CFAP54: variants seen among roughly 807,000 people sequenced by gnomAD.
CFAP54 encodes cilia and flagella associated protein 54, also known as cilia- and flagella-associated protein 54.
CFAP54 carries 290 observed loss-of-function variants against 370.4 expected under a neutral mutation model. The observed-to-expected ratio is 0.78, with a 90% confidence interval of 0.71 to 0.86. The LOEUF is 0.86. Ranked by LOEUF, CFAP54 falls within the 40% of genes least tolerant of loss-of-function variation. The probability of loss-of-function intolerance (pLI) is 0.00; values close to 1 mark genes in which losing one functional copy is unlikely to be tolerated. For synonymous variants in CFAP54, 1,206 were observed against 1,236.5 expected (o/e 0.98, Z 0.52); for missense variants, 3,399 against 3,528.7 (o/e 0.96, Z 0.93).
chr12:96,750,994 G>T (rs919770569), intron 55 of CFAP54, among the ~76,000 whole-genome samples: 1 of 152,132 alleles, frequency 6.6e-6, no homozygotes, highest in Non-Finnish European at 1.5e-5. Context: ...AGTATAGATT[G>T]TGTCACACAA....
At position 96,724,971 on chromosome 12, in the gene CFAP54, A is replaced by G. The variant is rs4762163; in HGVS notation, c.6965+4406A>G. On this transcript the variant is annotated intron_variant, in intron 50 of 67. Transcript: ENST00000524981. ...TGCTTGTTTTTCTCAGGTTTGTCAA[A>G]GATCAGATAGTTTTAGATATGTGGC... Among the ~76,000 whole-genome samples, 1,302 of 152,258 alleles carry G rather than the reference A, an allele frequency of 8.6e-3. 54 individuals carry two copies. In the East Asian group the frequency reaches 0.098, roughly 11 times the overall value.
intron 49 of CFAP54, among the ~76,000 whole-genome samples, chr12:96,719,077 G>T (rs1957718784): frequency 6.6e-6 from 1 of 151,722 alleles, no homozygotes; most frequent in Non-Finnish European, 1.5e-5. Context: ...TCATTATTTG[G>T]TGGGATATGA....
At chr12:96,817,421 C>T (rs1333978802) in intron 64 of CFAP54, among the ~76,000 whole-genome samples, 1 of 144,036 alleles carries the variant, frequency 6.9e-6, no homozygotes, top group East Asian at 2.0e-4. Flanking sequence ...CAAATAAATA[C>T]CTTTCTTTCT....
chr12:96,701,408 G>A (rs1197661594), intron 46 of CFAP54, among the ~76,000 whole-genome samples: 1 of 152,010 alleles, frequency 6.6e-6, no homozygotes, highest in African/African-American at 2.4e-5. Context: ...GCCATTCCAG[G>A]CATGGAGATA....
Position 96,535,559 on chromosome 12 carries a change from T to G in CFAP54, c.1750T>G (p.Leu584Val), listed in dbSNP as rs889267403. ...TCGYSEDIFH[L>V]AATLYVCVCT... ...TGGATATTCAGAGGATATTTTCCAT[T>G]TGGCAGCAACCTTGTATGTCTGTGT... is the stretch of plus-strand genomic sequence containing the variant. The change falls in exon 12 of 68, where the codon TTG (leucine) becomes GTG (valine). Residue 584 changes from leucine (L) to valine (V), a missense_variant. Physicochemically the swap from Leu to Val is conservative, Grantham distance 32. Transcript: ENST00000524981. 6.5e-7 allele frequency: 1 copy of G among 1,536,218 alleles called. No individual in the cohort carries two copies. Among genetic ancestry groups the G allele is most frequent in the Non-Finnish European group, 8.7e-7 (1 of 1,146,760 alleles).
At chr12:96,670,593 A>C (rs1033791161) in intron 39 of CFAP54, among the ~76,000 whole-genome samples, 1 of 152,082 alleles carries the variant, frequency 6.6e-6, no homozygotes, top group Admixed American at 6.5e-5. Context: ...TGAAGGCCCT[A>C]ATGACTGTCA....
At chr12:96,493,115 A>G (rs1270736863) in intron 1 of CFAP54, among the ~76,000 whole-genome samples, 1 of 152,260 alleles carries the variant, frequency 6.6e-6, no homozygotes, top group East Asian at 1.9e-4. Context: ...ACAAGACTAT[A>G]AGAATCACAA....
chr12:96,501,365 C>A (rs542524887), intron 2 of CFAP54, among the ~76,000 whole-genome samples: 1 of 152,188 alleles, frequency 6.6e-6, no homozygotes, highest in Admixed American at 6.5e-5. Context: ...TGCTTCAGTG[C>A]CCTGTTTATT....
intron 2 of CFAP54, among the ~76,000 whole-genome samples, chr12:96,502,726 G>C (rs1955044688): frequency 6.6e-6 from 1 of 152,170 alleles, no homozygotes; most frequent in Non-Finnish European, 1.5e-5. Flanking sequence ...CTGAGGAAGG[G>C]TTGCAAGTGA....
rs555929015 is a variant in CFAP54 at position 96,710,235 on chromosome 12, C to G, written c.6724+1432C>G. Among the ~76,000 whole-genome samples the G allele has an allele frequency of 9.2e-5, 14 of 152,080 alleles. No individual in the cohort carries two copies. The East Asian group carries it at 2.5e-3, about 27-fold the overall frequency. On this transcript the variant is annotated intron_variant, in intron 48 of 67. Coordinates refer to ENST00000524981, the MANE Select transcript of CFAP54 (RefSeq NM_001306084.2). ...ATGACTGCTACTGAAAAAATAGTTA[C>G]AGTTTCCAAGAGGAAGGGTGCGCCA...
chr12:96,857,820 G>C lies in CFAP54; in HGVS notation c.9172-2999G>C, dbSNP rs572347311. On this transcript the variant is annotated intron_variant, in intron 66 of 67. Transcript: ENST00000524981. ...TCTGCCATAATTACAAGTTTCCTGA[G>C]TCCTCGCCAGCCATGTGGAACTGTG... 2.6e-5 allele frequency among the ~76,000 whole-genome samples: 4 copies of C among 152,246 alleles called. No homozygotes were observed. In the East Asian group the frequency reaches 7.7e-4, roughly 29 times the overall value.
At chr12:96,798,165 GT>G (rs1192956797) in intron 63 of CFAP54, among the ~76,000 whole-genome samples, 5 of 151,746 alleles carry the variant, frequency 3.3e-5, no homozygotes, top group African/African-American at 1.2e-4. Flanking sequence ...AGAAATGTTT[GT>G]TTTTTAAATT....
chr12:96,545,754 G>A (rs1028469549), intron 14 of CFAP54, among the ~76,000 whole-genome samples: 5 of 151,940 alleles, frequency 3.3e-5, no homozygotes, highest in South Asian at 2.1e-4. Flanking sequence ...TTGTCCAATC[G>A]CATTTCTGCA....
chr12:96,599,960 G>A lies in CFAP54; in HGVS notation c.3639+1193G>A, dbSNP rs567924964. ...TTTTCTCCCATTCTGTAGGTTGCCT[G>A]TTCGCTCTGATGATAGTTTCTTTTG... On this transcript the variant is annotated intron_variant, in intron 26 of 67. Coordinates refer to ENST00000524981, the MANE Select transcript of CFAP54 (RefSeq NM_001306084.2). Among the ~76,000 whole-genome samples, 146 of 152,284 alleles carry A rather than the reference G, an allele frequency of 9.6e-4. 1 individual carries two copies. Among genetic ancestry groups the A allele is most frequent in the Middle Eastern group, 3.4e-3 (1 of 294 alleles).
intron 39 of CFAP54, among the ~76,000 whole-genome samples, chr12:96,675,831 C>A (rs551894267): frequency 1.3e-5 from 2 of 151,582 alleles, no homozygotes; most frequent in Admixed American, 6.6e-5. Context: ...AGCAAACTAT[C>A]GCAAGGACAA....
chr12:96,625,835 T>C (rs184984937), intron 29 of CFAP54, 28 bp downstream of exon 29: 1 of 1,416,546 alleles, frequency 7.1e-7, no homozygotes. Context: ...GTATATGCTG[T>C]TCACTCGATT....
chr12:96,653,310 C>T (rs1230332557), intron 36 of CFAP54, among the ~76,000 whole-genome samples: 1 of 152,104 alleles, frequency 6.6e-6, no homozygotes, highest in Non-Finnish European at 1.5e-5. Context: ...TACCGTAAAC[C>T]CAGGTGGAAT....
intron 35 of CFAP54, 54 bp from the exon 36 acceptor site, chr12:96,651,534 G>C: frequency 7.2e-7 from 1 of 1,397,986 alleles, no homozygotes; most frequent in Non-Finnish European, 1.0e-6. Context: ...AAGTTGTTCA[G>C]AGATCTGTAA....
rs1485590262 is a variant in CFAP54, at chr12:96,874,632, A to AT, written c.*15-471dup. ...CTCTGCTTTTTTTTATTTTTATTTT[A>AT]TTTTTTTTTTTTTTTGAGACGGAGT... On this transcript the variant is annotated intron_variant, in intron 67 of 67. Coordinates refer to ENST00000524981, the MANE Select transcript of CFAP54 (RefSeq NM_001306084.2). Among the ~76,000 whole-genome samples the AT allele has an allele frequency of 5.9e-3, 179 of 30,424 alleles. 13 individuals carry two copies. The highest frequency in any genetic ancestry group is 0.02 in the South Asian group (9 of 442). 20.0% of individuals were successfully genotyped at this position (30,424 alleles called of 152,430 possible). A position where few individuals can be genotyped will look rare whatever the true frequency, so the allele number is the denominator to read the frequency against.
Sources: gnomAD v4.1 joint callset for allele counts (sites outside exome capture counted in the v4.1 genomes callset) on GRCh38, gnomAD v4.1.1 for gene constraint, MANE v1.5 for transcripts, NCBI Gene and HGNC (gene_info 2026-07-23, HGNC 2026-07-21) for gene names.